Variants in PDE6C observed in about 807,000 individuals in gnomAD.
The protein encoded by PDE6C is cone cGMP-specific 3',5'-cyclic phosphodiesterase subunit alpha'.
A neutral mutation model predicts 113.1 loss-of-function variants in PDE6C; 75 were observed. The observed-to-expected ratio is 0.66, with a 90% CI of 0.55 to 0.80. The LOEUF (loss-of-function observed/expected upper bound fraction) is 0.80. Among genes scored for constraint, PDE6C ranks in the 30% least tolerant of loss-of-function variants. The probability of loss-of-function intolerance (pLI) is 0.00; values close to 1 mark genes in which losing one functional copy is unlikely to be tolerated. For missense variants in PDE6C, 912 were observed against 1,038.6 expected, an observed-to-expected ratio of 0.88 and a Z score of 1.67; for synonymous variants, 375 against 363.7, an observed-to-expected ratio of 1.03 and a Z score of -0.35.
chr10:93,631,695 G>A lies in PDE6C; in HGVS notation c.1119+2390G>A, dbSNP rs199725923. 2.0e-3 allele frequency among the ~76,000 whole-genome samples: 299 copies of A among 152,250 alleles called. 1 individual carries two copies. The highest frequency in any genetic ancestry group is 6.7e-3 in the African/African-American group (277 of 41,564). ...AACCACCACCCTCCTTTTGTGCTCC[G>A]TCTTCTGATTCTGTCTCTCCCTGCT... On this transcript the variant is annotated intron_variant, in intron 8 of 21. Coordinates refer to ENST00000371447, the MANE Select transcript of PDE6C (RefSeq NM_006204.4).
At position 93,634,817 on chromosome 10, in the gene PDE6C, C is replaced by G; in HGVS notation, c.1179C>G (p.Val393=). Residue 393 remains valine (V), a synonymous_variant, in exon 9 of 22, where the codon GTC becomes GTG. Coordinates refer to ENST00000371447, the MANE Select transcript of PDE6C (RefSeq NM_006204.4). The stretch of plus-strand genomic sequence containing the variant: ...AGAATGTTTTGTCCCTGCCTATTGT[C>G]AACAAGAAAGAAGATATTGTGGGAG... ...VIKNVLSLPI[V]NKKEDIVGVA... 6.2e-7 allele frequency: 1 copy of G among 1,614,006 alleles called. No homozygotes were observed. The highest frequency in any genetic ancestry group is 8.5e-7 in the Non-Finnish European group (1 of 1,179,958).
chr10:93,626,010 T>TC (rs1283133973), intron 5 of PDE6C, among the ~76,000 whole-genome samples: 1 of 152,036 alleles, frequency 6.6e-6, no homozygotes, highest in Non-Finnish European at 1.5e-5. Context: ...AGGTTTACTT[T>TC]CCCCCTTGAC....
chr10:93,658,846 T>C, intron 16 of PDE6C, 55 bp from the exon 17 acceptor site: 2 of 1,053,008 alleles, frequency 1.9e-6, no homozygotes, highest in South Asian at 1.3e-5. Context: ...ATTTAAGATA[T>C]TTTTTCTCTC....
chr10:93,649,151 A>G (rs188980665), intron 15 of PDE6C, among the ~76,000 whole-genome samples: 3 of 152,172 alleles, frequency 2.0e-5, no homozygotes, highest in Non-Finnish European at 2.9e-5. Flanking sequence ...AGTCAGGGAA[A>G]ATAAAAAAGA....
chr10:93,620,969 C>T lies in PDE6C; in HGVS notation c.712C>T (p.Arg238Ter), dbSNP rs762426409. ...HTSYMYNIES[R>*]RSQILMWSAN... is the part of the protein sequence containing the mutation. ...CAGCTACATGTACAATATTGAATCC[C>T]GAAGAAGCCAGGTAAAAGGAAGGCA... is the stretch of plus-strand genomic sequence containing the variant. Residue 238 changes from arginine (R) to a stop codon, truncating the protein, a stop_gained, in exon 3 of 22, where the codon CGA (arginine) becomes TGA (stop). Transcript: ENST00000371447. LOFTEE classifies it high-confidence loss of function. The T allele has an allele frequency of 4.3e-6, 7 of 1,613,208 alleles. No homozygotes were observed. Among genetic ancestry groups the T allele is most frequent in the East Asian group, 4.5e-5 (2 of 44,870 alleles).
intron 18 of PDE6C, among the ~76,000 whole-genome samples, chr10:93,660,273 C>T (rs979972822): frequency 1.3e-5 from 2 of 152,190 alleles, no homozygotes; most frequent in African/African-American, 2.4e-5. Context: ...CAGGAGCCTT[C>T]GTGAGGAAAC....
chr10:93,644,782 A>G lies in PDE6C; in HGVS notation c.1848-1178A>G, dbSNP rs111554404. ...CAAATAAAGAAAATGTGGTGCGTGT[A>G]TATATATATATATAGTATATATATA... is the stretch of plus-strand genomic sequence containing the variant. On this transcript the variant is annotated intron_variant, in intron 14 of 21. Coordinates refer to ENST00000371447, the MANE Select transcript of PDE6C (RefSeq NM_006204.4). Among the ~76,000 whole-genome samples the G allele has an allele frequency of 9.5e-3, 1,182 of 124,264 alleles. 8 individuals carry two copies. The highest frequency in any genetic ancestry group is 0.023 in the African/African-American group (888 of 38,500). 81.5% of individuals were successfully genotyped at this position (124,264 alleles called of 152,430 possible).
intron 14 of PDE6C, among the ~76,000 whole-genome samples, chr10:93,644,461 T>C (rs1445593870): frequency 6.6e-6 from 1 of 152,116 alleles, no homozygotes; most frequent in Non-Finnish European, 1.5e-5. Context: ...TTGGGGTACA[T>C]GATATTTTGA....
At position 93,625,569 on chromosome 10, in the gene PDE6C, C is replaced by G. The variant is rs1589694555; in HGVS notation, c.865-6C>G. 1 of 1,605,592 alleles carries G rather than the reference C, an allele frequency of 6.2e-7. No homozygotes were observed. The highest frequency in any genetic ancestry group is 2.2e-5 in the East Asian group (1 of 44,836). ...TTTAATGATACTTAAATCTGATTGC[C>G]TCCAGGAATTCTACGATGAATGGCC... is the stretch of plus-strand genomic sequence containing the variant. On this transcript the variant is annotated splice_region_variant and splice_polypyrimidine_tract_variant and intron_variant, in intron 4 of 21. Transcript: ENST00000371447.
intron 8 of PDE6C, among the ~76,000 whole-genome samples, chr10:93,634,524 C>A (rs2058518430): frequency 6.6e-6 from 1 of 152,146 alleles, no homozygotes; most frequent in Admixed American, 6.5e-5. Context: ...TTGGTAAAAT[C>A]CAAATCAGCT....
At chr10:93,624,169 G>A (rs532922982) in intron 4 of PDE6C, among the ~76,000 whole-genome samples, 2 of 152,124 alleles carry the variant, frequency 1.3e-5, no homozygotes, top group African/African-American at 2.4e-5. Flanking sequence ...ATGCCCTTGT[G>A]TCATCTTCTT....
intron 10 of PDE6C, 56 bp downstream of exon 10, chr10:93,635,696 G>C (rs950165230): frequency 3.1e-5 from 48 of 1,562,826 alleles, no homozygotes; most frequent in Non-Finnish European, 4.0e-5. Flanking sequence ...ACATATTCTA[G>C]AAGTCATCTA....
At chr10:93,629,942 C>A (rs973470428) in intron 8 of PDE6C, among the ~76,000 whole-genome samples, 2 of 152,028 alleles carry the variant, frequency 1.3e-5, no homozygotes, top group Non-Finnish European at 2.9e-5. Context: ...GGATTGGGGA[C>A]CCCTGATCTA....
Position 93,630,613 on chromosome 10 carries a change from G to C in PDE6C, c.1119+1308G>C, listed in dbSNP as rs192939732. Among the ~76,000 whole-genome samples, 16 of 152,120 alleles carry C rather than the reference G, an allele frequency of 1.1e-4. No homozygotes were observed. In the East Asian group the frequency reaches 2.7e-3, roughly 26 times the overall value. On this transcript the variant is annotated intron_variant, in intron 8 of 21. Transcript: ENST00000371447. Reference sequence around the variant, plus strand: ...ACATCCCCTTAGAGCCCTGATCTCAGTCACAAATAGAGACTGCCCTCCCCG... The same window carrying C: ...ACATCCCCTTAGAGCCCTGATCTCACTCACAAATAGAGACTGCCCTCCCCG...
intron 15 of PDE6C, among the ~76,000 whole-genome samples, chr10:93,647,286 A>T (rs1043120465): frequency 5.3e-5 from 8 of 152,116 alleles, no homozygotes; most frequent in African/African-American, 1.9e-4. Flanking sequence ...CCCTCTGGAG[A>T]GTGGGCTTTT....
intron 11 of PDE6C, among the ~76,000 whole-genome samples, chr10:93,637,287 T>C (rs182434402): frequency 3.3e-5 from 5 of 152,308 alleles, no homozygotes; most frequent in Admixed American, 1.3e-4. Flanking sequence ...TAATTTACAA[T>C]TGTAGGTAGC....
At chr10:93,650,398 C>T (rs2058604523) in intron 15 of PDE6C, among the ~76,000 whole-genome samples, 2 of 152,098 alleles carry the variant, frequency 1.3e-5, no homozygotes, top group African/African-American at 4.8e-5. Context: ...AGACATGAGT[C>T]TCTATACCTG....
chr10:93,664,512 T>C (rs904183387), intron 21 of PDE6C, among the ~76,000 whole-genome samples: 8 of 152,170 alleles, frequency 5.3e-5, no homozygotes, highest in Admixed American at 2.0e-4. Context: ...ATTTGAGAGA[T>C]TTAAGGTAAG....
intron 10 of PDE6C, 21 bp downstream of exon 10, chr10:93,635,661 T>A: frequency 6.2e-7 from 1 of 1,612,364 alleles, no homozygotes; most frequent in Non-Finnish European, 8.5e-7. Flanking sequence ...AATTCAGTCC[T>A]GTGGACATAA....
Sources: gnomAD v4.1 joint callset for allele counts (sites outside exome capture counted in the v4.1 genomes callset) on GRCh38, gnomAD v4.1.1 for gene constraint, MANE v1.5 for transcripts, NCBI Gene and HGNC (gene_info 2026-07-23, HGNC 2026-07-21) for gene names.